Variants in TMPO observed in about 807,000 individuals in gnomAD.
The protein encoded by TMPO is thymopoietin.
A neutral mutation model predicts 45.4 loss-of-function variants in TMPO; 22 were observed. The ratio of observed to expected loss-of-function variants is 0.48; its 90% CI spans 0.35 to 0.69. TMPO has a LOEUF of 0.69. TMPO is among the 30% of genes least tolerant of loss of function. TMPO has a pLI of 0.01. For synonymous variants in TMPO, 241 were observed against 204.1 expected (o/e 1.18, Z -1.54); for missense variants, 512 against 548.8 (o/e 0.93, Z 0.67).
chr12:98,516,512 C>T, intron 1 of TMPO: 2 of 1,066,716 alleles, frequency 1.9e-6, no homozygotes, highest in Non-Finnish European at 2.3e-6. Context: ...CCCCAAAATG[C>T]TATAGGTTAA....
intron 4 of TMPO, among the ~76,000 whole-genome samples, chr12:98,540,042 G>A (rs1375359966): frequency 6.6e-6 from 1 of 152,144 alleles, no homozygotes; most frequent in African/African-American, 2.4e-5. Flanking sequence ...CACATATCCG[G>A]TTTGATTTTT....
At chr12:98,519,810 A>G (rs773500275) in intron 1 of TMPO, among the ~76,000 whole-genome samples, 2 of 152,138 alleles carry the variant, frequency 1.3e-5, no homozygotes, top group Non-Finnish European at 2.9e-5. Flanking sequence ...AATAATTTTA[A>G]GTTTACAGGA....
At chr12:98,539,369 G>A (rs1211544423) in intron 4 of TMPO, among the ~76,000 whole-genome samples, 4 of 151,894 alleles carry the variant, frequency 2.6e-5, no homozygotes, top group East Asian at 1.9e-4. Context: ...GTAGAAGAGT[G>A]GAGGGAAGAG....
At chr12:98,534,176 C>T (rs778301271) in intron 3 of TMPO, 1 of 1,613,882 alleles carries the variant, frequency 6.2e-7, no homozygotes, top group South Asian at 1.1e-5. Context: ...AAGATGGCTG[C>T]CCATACCATG....
In TMPO at chr12:98,549,266, C is replaced by G. The variant is rs1371550105; in HGVS notation, c.*1408C>G. The G allele has an allele frequency of 6.6e-6, 1 of 151,634 alleles. No individual in the cohort carries two copies. The highest frequency in any genetic ancestry group is 1.5e-5 in the Non-Finnish European group (1 of 67,988). 9.4% of individuals were successfully genotyped at this position (151,634 alleles called of 1,614,324 possible). On this transcript the variant is annotated 3_prime_UTR_variant, in exon 9 of 9. Transcript: ENST00000556029. ...TGAGATGGAGTCTCACTCTTGTCAC[C>G]CAGACTGTAGTGCAGTGGCACGATC...
At chr12:98,522,181 T>TGG (rs1876423751) in intron 1 of TMPO, among the ~76,000 whole-genome samples, 1 of 152,142 alleles carries the variant, frequency 6.6e-6, no homozygotes, top group Non-Finnish European at 1.5e-5. Context: ...CATGCCTAGC[T>TGG]GATTTTTAAA....
chr12:98,536,969 A>G (rs1269003242), intron 3 of TMPO, among the ~76,000 whole-genome samples: 1 of 152,150 alleles, frequency 6.6e-6, no homozygotes, highest in Non-Finnish European at 1.5e-5. Flanking sequence ...TATTAATGTT[A>G]TGGCAGTTAC....
intron 4 of TMPO, among the ~76,000 whole-genome samples, chr12:98,539,315 A>T (rs532871834): frequency 2.0e-5 from 3 of 152,236 alleles, no homozygotes; most frequent in African/African-American, 7.2e-5. Context: ...TTTAGATGAC[A>T]GGCAGAATTA....
Position 98,547,886 on chromosome 12 carries a change from G to C in TMPO, c.*28G>C, listed in dbSNP as rs1285583395. The C allele has an allele frequency of 1.2e-6, 2 of 1,611,344 alleles. No homozygotes were observed. The highest frequency in any genetic ancestry group is 1.7e-6 in the Non-Finnish European group (2 of 1,178,846). On this transcript the variant is annotated 3_prime_UTR_variant, in exon 9 of 9. Transcript: ENST00000556029. ...GGTATCTCTTTGGCACGTTCAACTT[G>C]GTCTCCTATTTTCAATAACTGTTGA...
chr12:98,519,807 T>C (rs538350840), intron 1 of TMPO, among the ~76,000 whole-genome samples: 2 of 152,248 alleles, frequency 1.3e-5, no homozygotes, highest in Admixed American at 1.3e-4. Flanking sequence ...AAAAATAATT[T>C]TAAGTTTACA....
intron 1 of TMPO, among the ~76,000 whole-genome samples, chr12:98,518,042 G>T (rs1488429175): frequency 6.6e-6 from 1 of 151,954 alleles, no homozygotes; most frequent in Non-Finnish European, 1.5e-5. Context: ...TGGTGGCGGC[G>T]GCCGAGGCAG....
Position 98,547,965 on chromosome 12 carries a change from C to A in TMPO, c.*107C>A. On this transcript the variant is annotated 3_prime_UTR_variant, in exon 9 of 9. Coordinates refer to ENST00000556029, the MANE Select transcript of TMPO (RefSeq NM_001032283.3). ...AAGAACTAAAAATAATGTGATTTCG[C>A]CTCAATAAATGTAGTATTTCATTGA... The A allele has an allele frequency of 7.7e-7, 1 of 1,294,598 alleles. No homozygotes were observed. The highest frequency in any genetic ancestry group is 1.3e-5 in the South Asian group (1 of 76,822). The allele number at this position is 1,294,598 out of a possible 1,614,324, so 80.2% of individuals were successfully genotyped here. A position where few individuals can be genotyped will look rare whatever the true frequency, so the allele number is the denominator to read the frequency against.
At chr12:98,544,913 T>C (rs752653317) in intron 6 of TMPO, 38 bp from the exon 7 acceptor site, 2 of 1,390,412 alleles carry the variant, frequency 1.4e-6, no homozygotes, top group Non-Finnish European at 2.0e-6. Flanking sequence ...GTGTTATGTT[T>C]GGATAATTCT....
chr12:98,516,670 G>A (rs1875857415), intron 1 of TMPO, among the ~76,000 whole-genome samples: 1 of 152,122 alleles, frequency 6.6e-6, no homozygotes, highest in Non-Finnish European at 1.5e-5. Flanking sequence ...CGTGTGGAGG[G>A]CTTTTTGAAC....
chr12:98,525,482 C>T (rs1592936319), intron 1 of TMPO, among the ~76,000 whole-genome samples: 2 of 152,066 alleles, frequency 1.3e-5, no homozygotes, highest in East Asian at 1.9e-4. Context: ...GGCTCACGCC[C>T]GTAATCCTAG....
intron 4 of TMPO, among the ~76,000 whole-genome samples, chr12:98,540,850 T>C (rs1877874826): frequency 1.3e-5 from 2 of 152,230 alleles, no homozygotes; most frequent in African/African-American, 4.8e-5. Context: ...TTAGGAGGTA[T>C]AGAATGTCTT....
Position 98,547,809 on chromosome 12 carries a change from T to G in TMPO, c.1316T>G (p.Val439Gly). 1 of 1,614,076 alleles carries G rather than the reference T, an allele frequency of 6.2e-7. No homozygotes were observed. Among genetic ancestry groups the G allele is most frequent in the Non-Finnish European group, 8.5e-7 (1 of 1,180,024 alleles). Residue 439 changes from valine (V) to glycine (G), a missense_variant, in exon 9 of 9, where the codon GTA (valine) becomes GGA (glycine). By Grantham distance (109) the Val-to-Gly change is moderately radical. This residue lies in a region of TMPO where 209 missense variants were observed against 235.1 expected (regional missense o/e 0.89). Coordinates refer to ENST00000556029, the MANE Select transcript of TMPO (RefSeq NM_001032283.3). The part of the protein sequence containing the change: ...LVYQAMETNQ[V>G]NPFSNFLHVD... ...TATCAAGCTATGGAAACCAACCAAG[T>G]AAATCCCTTCTCTAATTTTCTTCAT...
intron 7 of TMPO, 30 bp from the exon 8 acceptor site, chr12:98,546,329 G>A (rs781657744): frequency 1.1e-5 from 16 of 1,440,188 alleles, no homozygotes; most frequent in Admixed American, 1.7e-5. Flanking sequence ...ATTTTAACTT[G>A]TGGTTGTTTG....
intron 2 of TMPO, 145 bp from the exon 3 acceptor site, chr12:98,531,535 G>A (rs1159280664): frequency 6.9e-6 from 6 of 869,364 alleles, no homozygotes; most frequent in South Asian, 3.2e-5. Context: ...ATGTCTGGCC[G>A]CATTATATGG....
Sources: allele counts gnomAD v4.1 joint callset (sites outside exome capture counted in the v4.1 genomes callset), GRCh38; gene constraint gnomAD v4.1.1; regional missense constraint gnomAD v4.1.1; transcripts MANE v1.5; gene names NCBI Gene and HGNC (gene_info 2026-07-23, HGNC 2026-07-21).